The following CLDN16 variants were observed in gnomAD, a reference collection of about 807,000 sequenced individuals.
The protein encoded by CLDN16 is claudin 16.
CLDN16 carries 13 observed loss-of-function variants against 24.6 expected under a neutral mutation model. The ratio of observed to expected loss-of-function variants is 0.53; its 90% CI spans 0.34 to 0.84. CLDN16 has a LOEUF of 0.84. Among genes scored for constraint, CLDN16 ranks in the 40% least tolerant of loss-of-function variants. The pLI, the probability that CLDN16 is intolerant of heterozygous loss-of-function variation, is 0.01. For missense variants in CLDN16, 298 were observed against 292.7 expected (o/e 1.02, Z -0.13); for synonymous variants, 116 against 106.7 (o/e 1.09, Z -0.54).
chr3:190,409,862 GT>G, intron 4 of CLDN16, 40 bp from the exon 5 acceptor site: 1 of 1,597,460 alleles, frequency 6.3e-7, no homozygotes, highest in Non-Finnish European at 8.6e-7. Flanking sequence ...ATTTTCCCAA[GT>G]TCACTGAGTT....
At chr3:190,327,643 G>A (rs1427395242) in intron 1 of CLDN16, among the ~76,000 whole-genome samples, 1 of 152,158 alleles carries the variant, frequency 6.6e-6, no homozygotes, top group African/African-American at 2.4e-5. Flanking sequence ...TATGTGGTAC[G>A]CTATCCTACA....
rs148153607 is a variant in CLDN16, at chr3:190,398,244, C to T, written c.115-4093C>T. 1.3e-4 allele frequency among the ~76,000 whole-genome samples: 20 copies of T among 152,316 alleles called. No individual in the cohort carries two copies. In the East Asian group the frequency reaches 3.7e-3, roughly 28 times the overall value. On this transcript the variant is annotated intron_variant, in intron 1 of 4. Transcript: ENST00000264734. ...TTGCCGTAACAAATGACCATAAACT[C>T]GGTGGCTTAACAAAAGATAACTTTA...
intron 1 of CLDN16, among the ~76,000 whole-genome samples, chr3:190,360,482 A>C (rs1717863971): frequency 6.6e-6 from 1 of 151,942 alleles, no homozygotes; most frequent in African/African-American, 2.4e-5. Context: ...AGAGATAATA[A>C]GAAACTCAAC....
chr3:190,318,626 A>G (rs1322853639), upstream of CLDN16, among the ~76,000 whole-genome samples: 2 of 152,244 alleles, frequency 1.3e-5, no homozygotes, highest in Non-Finnish European at 2.9e-5. Flanking sequence ...CAGTAAGAAC[A>G]GAGAATTTCT....
chr3:190,352,359 A>C (rs554942141), intron 1 of CLDN16, among the ~76,000 whole-genome samples: 1 of 152,276 alleles, frequency 6.6e-6, no homozygotes, highest in Non-Finnish European at 1.5e-5. Flanking sequence ...GGAATAGCTC[A>C]GAAACAGAAT....
intron 1 of CLDN16, among the ~76,000 whole-genome samples, chr3:190,346,529 ATGTAAGT>A (rs1321296625): frequency 1.3e-5 from 2 of 152,206 alleles, no homozygotes; most frequent in African/African-American, 4.8e-5. Context: ...TACATTCTTT[ATGTAAGT>A]TGTCCTAGTA....
chr3:190,404,714 T>C (rs771868282), intron 2 of CLDN16, 48 bp from the exon 3 acceptor site: 1 of 1,596,976 alleles, frequency 6.3e-7, no homozygotes, highest in Non-Finnish European at 8.6e-7. Context: ...TGAGTTAATA[T>C]GGTTCCTTCT....
chr3:190,302,137 G>A, the CLDN16 span, among the ~76,000 whole-genome samples: 7 of 152,052 alleles, frequency 4.6e-5, no homozygotes, highest in African/African-American at 1.7e-4. Flanking sequence ...GTTATTTCCG[G>A]AATACTTTCC....
chr3:190,335,708 CA>C lies in CLDN16; in HGVS notation n.121+13070del, dbSNP rs34082811. On this transcript the variant is annotated intron_variant and non_coding_transcript_variant, in intron 1 of 4. Coordinates refer to the CLDN16 transcript ENST00000468220. ...GCCTGGTGACAGAGCAAGACTCCAT[CA>C]AAAAAAAAAAAAAAAAAAAAAAGGT... Among the ~76,000 whole-genome samples, 218 of 60,128 alleles carry C rather than the reference CA, an allele frequency of 3.6e-3. 2 individuals are homozygous for C. Among genetic ancestry groups the C allele is most frequent in the Middle Eastern group, 0.035 (3 of 86 alleles). The allele number at this position is 60,128 out of a possible 152,430, so 39.4% of individuals were successfully genotyped here.
intron 1 of CLDN16, among the ~76,000 whole-genome samples, chr3:190,337,621 CT>C: frequency 6.6e-6 from 1 of 152,318 alleles, no homozygotes; most frequent in African/African-American, 2.4e-5. Flanking sequence ...TGATAATATT[CT>C]TTGACAAAAC....
chr3:190,301,449 C>T, the CLDN16 span, among the ~76,000 whole-genome samples: 8 of 151,696 alleles, frequency 5.3e-5, no homozygotes, highest in South Asian at 1.3e-3. Context: ...GAGCCAAGAT[C>T]GCACACTGCA....
intron 3 of CLDN16, among the ~76,000 whole-genome samples, chr3:190,376,431 GT>G (rs1718250827): frequency 6.6e-6 from 1 of 151,802 alleles, no homozygotes; most frequent in African/African-American, 2.4e-5. Flanking sequence ...TGAGAACTTG[GT>G]GGGAGAGATG....
intron 3 of CLDN16, among the ~76,000 whole-genome samples, chr3:190,382,004 T>C (rs1379990849): frequency 1.3e-5 from 2 of 151,928 alleles, no homozygotes; most frequent in Non-Finnish European, 2.9e-5. Context: ...TAATGACCAA[T>C]TGAATGTGTT....
the CLDN16 span, among the ~76,000 whole-genome samples, chr3:190,311,594 ATC>A: frequency 6.6e-6 from 1 of 151,434 alleles, no homozygotes; most frequent in Non-Finnish European, 1.5e-5. Flanking sequence ...CATTAATTAT[ATC>A]TGTTATTTTT....
intron 3 of CLDN16, among the ~76,000 whole-genome samples, chr3:190,381,701 A>C (rs143928111): frequency 2.0e-5 from 3 of 152,080 alleles, no homozygotes; most frequent in South Asian, 4.1e-4. Flanking sequence ...CAGAATGTTT[A>C]AGTGAGAACA....
chr3:190,321,905 A>G (rs899937417), upstream of CLDN16: 5 of 1,037,994 alleles, frequency 4.8e-6, no homozygotes, highest in Non-Finnish European at 7.5e-6. Context: ...ATGGAATCAC[A>G]CAACAGAATG....
At chr3:190,304,383 T>C in the CLDN16 span, among the ~76,000 whole-genome samples, 122 of 152,312 alleles carry the variant, frequency 8.0e-4, 1 homozygote, top group East Asian at 0.019. Flanking sequence ...TACTTTACCC[T>C]GCCTGCATTT....
At chr3:190,350,607 C>T (rs1218240169) in intron 1 of CLDN16, among the ~76,000 whole-genome samples, 2 of 152,094 alleles carry the variant, frequency 1.3e-5, no homozygotes, top group Non-Finnish European at 2.9e-5. Context: ...ATTTCAGCTC[C>T]ACCATTTAAC....
the CLDN16 span, among the ~76,000 whole-genome samples, chr3:190,300,075 TGG>T: frequency 6.6e-6 from 1 of 152,232 alleles, no homozygotes; most frequent in Non-Finnish European, 1.5e-5. Context: ...AAAGCTCTAT[TGG>T]CTAATTCTCT....
Sources: allele counts gnomAD v4.1 joint callset (sites outside exome capture counted in the v4.1 genomes callset), GRCh38; gene constraint gnomAD v4.1.1; transcripts MANE v1.5; gene names NCBI Gene and HGNC (gene_info 2026-07-23, HGNC 2026-07-21).